Variants in IQSEC1 observed in about 807,000 individuals in gnomAD.
IQSEC1 encodes the protein IQ motif and Sec7 domain ArfGEF 1, also known as IQ motif and SEC7 domain-containing protein 1.
IQSEC1 carries 31 observed loss-of-function variants against 91.0 expected under a neutral mutation model. That is an observed-to-expected ratio of 0.34 (90% CI 0.26 to 0.46). The LOEUF (loss-of-function observed/expected upper bound fraction) is 0.46, where lower values mean the gene tolerates loss of function less well. IQSEC1 is among the 20% of genes least tolerant of loss of function. The pLI is 1.00. For synonymous variants in IQSEC1, 699 were observed against 662.6 expected (o/e 1.05, Z -0.84); for missense variants, 1,388 against 1,575.6 (o/e 0.88, Z 2.02).
At chr3:13,201,655 T>C (rs1371194929) in intron 1 of IQSEC1, among the ~76,000 whole-genome samples, 2 of 152,298 alleles carry the variant, frequency 1.3e-5, no homozygotes, top group East Asian at 3.9e-4. Flanking sequence ...GCTTTAAGAT[T>C]TCATATGCAA....
intron 1 of IQSEC1, among the ~76,000 whole-genome samples, chr3:13,240,260 G>A (rs1049371266): frequency 1.3e-5 from 2 of 152,100 alleles, no homozygotes; most frequent in Admixed American, 1.3e-4. Flanking sequence ...GGTGGTATGT[G>A]CCTACAGTCC....
At chr3:13,091,291 C>A (rs1333906013) in intron 2 of IQSEC1, among the ~76,000 whole-genome samples, 2 of 152,236 alleles carry the variant, frequency 1.3e-5, no homozygotes, top group African/African-American at 4.8e-5. Context: ...TCCTCATTGG[C>A]ATACAGACTC....
intron 1 of IQSEC1, among the ~76,000 whole-genome samples, chr3:13,243,367 C>T (rs1409243149): frequency 6.6e-6 from 1 of 152,168 alleles, no homozygotes; most frequent in Non-Finnish European, 1.5e-5. Context: ...GGACGAAGGG[C>T]TGCCTGGAAG....
intron 1 of IQSEC1, among the ~76,000 whole-genome samples, chr3:13,051,012 C>G (rs1479282007): frequency 6.6e-6 from 1 of 152,144 alleles, no homozygotes; most frequent in African/African-American, 2.4e-5. Context: ...CAGAGAGGTG[C>G]AGCAACGAGC....
intron 2 of IQSEC1, among the ~76,000 whole-genome samples, chr3:13,130,330 C>T (rs1366419055): frequency 8.3e-6 from 1 of 119,918 alleles, no homozygotes; most frequent in Non-Finnish European, 1.6e-5. Flanking sequence ...GGCGACAGAA[C>T]GAGACTCTGT....
intron 2 of IQSEC1, among the ~76,000 whole-genome samples, chr3:13,133,471 C>G (rs143176036): frequency 2.2e-4 from 34 of 152,276 alleles, no homozygotes; most frequent in African/African-American, 7.9e-4. Context: ...GAAATGTCAG[C>G]GAGGCAGACC....
At chr3:12,912,670 C>CA (rs561314162) in intron 9 of IQSEC1, among the ~76,000 whole-genome samples, 8,237 of 53,848 alleles carry the variant, frequency 0.15, 1,199 homozygotes, top group South Asian at 0.19. Flanking sequence ...GACTCCGTCT[C>CA]AAAAAAAAAA....
intron 1 of IQSEC1, among the ~76,000 whole-genome samples, chr3:13,032,872 T>C (rs920535849): frequency 6.6e-6 from 1 of 152,196 alleles, no homozygotes; most frequent in Non-Finnish European, 1.5e-5. Flanking sequence ...GCCTTAAAAA[T>C]ATTTTTTAAA....
chr3:12,899,355 G>A lies in IQSEC1; in HGVS notation c.*1628C>T. 1.2e-6 allele frequency: 2 copies of A among 1,609,070 alleles called. No homozygotes were observed. Among genetic ancestry groups the A allele is most frequent in the Non-Finnish European group, 8.5e-7 (1 of 1,177,938 alleles). The stretch of plus-strand genomic sequence containing the variant: ...CCTTTCTGAAAGGGCCTCCGCCTGG[G>A]CAGGCGCCGGGGGGCAGTCCTCGGG... On this transcript the variant is annotated 3_prime_UTR_variant, in exon 14 of 14. Coordinates refer to ENST00000613206, the MANE Select transcript of IQSEC1 (RefSeq NM_001134382.3).
At chr3:13,011,939 G>C (rs1377195130) in intron 1 of IQSEC1, among the ~76,000 whole-genome samples, 1 of 123,162 alleles carries the variant, frequency 8.1e-6, no homozygotes, top group Non-Finnish European at 1.7e-5. Flanking sequence ...TTCTAAGTTC[G>C]TGGGGGACTC....
chr3:13,114,448 T>C (rs1225547004), intron 2 of IQSEC1, among the ~76,000 whole-genome samples: 2 of 152,144 alleles, frequency 1.3e-5, no homozygotes, highest in Non-Finnish European at 2.9e-5. Context: ...TGTATAGGTA[T>C]TTATTGTGTT....
intron 2 of IQSEC1, among the ~76,000 whole-genome samples, chr3:13,113,045 G>A (rs1013486599): frequency 5.9e-5 from 9 of 152,226 alleles, no homozygotes; most frequent in Admixed American, 6.5e-5. Context: ...AGCTGCTCTG[G>A]GAGCTGCTGC....
At chr3:13,180,569 G>A (rs1251414801) in intron 1 of IQSEC1, among the ~76,000 whole-genome samples, 1 of 152,024 alleles carries the variant, frequency 6.6e-6, no homozygotes, top group Non-Finnish European at 1.5e-5. Context: ...GCAACCCGCT[G>A]GGGTCCCCTT....
intron 1 of IQSEC1, among the ~76,000 whole-genome samples, chr3:13,048,732 AT>A (rs1169245900): frequency 1.3e-5 from 2 of 152,140 alleles, no homozygotes; most frequent in Non-Finnish European, 2.9e-5. Flanking sequence ...TCTAGCTGCC[AT>A]TGTGGCCGCT....
chr3:13,167,051 GTGTGGTA>G (rs1693510905), intron 1 of IQSEC1, among the ~76,000 whole-genome samples: 1 of 152,234 alleles, frequency 6.6e-6, no homozygotes, highest in Admixed American at 6.5e-5. Context: ...GTGTGTACGT[GTGTGGTA>G]CACTGTATGT....
intron 1 of IQSEC1, among the ~76,000 whole-genome samples, chr3:13,276,145 A>G (rs771533531): frequency 8.1e-5 from 10 of 123,142 alleles, no homozygotes; most frequent in African/African-American, 1.5e-4. Context: ...CTGGAGTGCA[A>G]TGGCGTGATC....
chr3:13,210,441 C>A (rs918352484), intron 1 of IQSEC1, among the ~76,000 whole-genome samples: 3 of 152,134 alleles, frequency 2.0e-5, no homozygotes, highest in African/African-American at 4.8e-5. Context: ...AATCTCCAAG[C>A]CCCCACTGCC....
intron 2 of IQSEC1, among the ~76,000 whole-genome samples, chr3:13,087,151 G>C (rs1376846741): frequency 2.0e-5 from 3 of 151,224 alleles, no homozygotes; most frequent in Non-Finnish European, 4.4e-5. Flanking sequence ...TCTTCCTACA[G>C]TCTAAATCTA....
At chr3:12,964,237 T>C (rs1296789966) in intron 1 of IQSEC1, among the ~76,000 whole-genome samples, 1 of 152,080 alleles carries the variant, frequency 6.6e-6, no homozygotes, top group Non-Finnish European at 1.5e-5. Flanking sequence ...CTAAACTCAT[T>C]ACAATTTGCT....
Sources: gnomAD v4.1 joint callset for allele counts (sites outside exome capture counted in the v4.1 genomes callset) on GRCh38, gnomAD v4.1.1 for gene constraint, MANE v1.5 for transcripts, NCBI Gene and HGNC (gene_info 2026-07-23, HGNC 2026-07-21) for gene names.